ANKFN1: variants seen among roughly 807,000 people sequenced by gnomAD.
ANKFN1 encodes the protein ankyrin repeat and fibronectin type III domain containing 1.
A neutral mutation model predicts 108.7 loss-of-function variants in ANKFN1; 74 were observed. The ratio of observed to expected loss-of-function variants is 0.68; its 90% CI spans 0.56 to 0.83. The LOEUF is 0.83. Among genes scored for constraint, ANKFN1 ranks in the 40% least tolerant of loss-of-function variants. The pLI is 0.00. For missense variants in ANKFN1, 1,505 were observed against 1,382.3 expected, an observed-to-expected ratio of 1.09 and a Z score of -1.41; for synonymous variants, 547 against 516.2, an observed-to-expected ratio of 1.06 and a Z score of -0.81.
intron 11 of ANKFN1, among the ~76,000 whole-genome samples, chr17:56,454,506 T>C (rs1165214373): frequency 1.3e-5 from 2 of 152,228 alleles, no homozygotes; most frequent in Non-Finnish European, 2.9e-5. Flanking sequence ...CTGTTGATCC[T>C]TCAATGAATG....
chr17:56,338,119 G>C (rs1000633246), intron 4 of ANKFN1, among the ~76,000 whole-genome samples: 1 of 152,198 alleles, frequency 6.6e-6, no homozygotes, highest in Non-Finnish European at 1.5e-5. Context: ...ACACTATGCA[G>C]CCATAAAAAA....
Position 56,456,973 on chromosome 17 carries a change from T to C in ANKFN1, c.1307+13T>C, listed in dbSNP as rs572670911. On this transcript the variant is annotated intron_variant, in intron 12 of 20. Transcript: ENST00000682825. ...AGACCTTAAAACGGTGGGTTCTATG[T>C]AGTTTTTTCAGGAAATCTTAACTTT... The C allele has an allele frequency of 1.2e-5, 19 of 1,607,636 alleles. 1 individual carries two copies. In the South Asian group the frequency reaches 1.8e-4, roughly 15 times the overall value.
At position 56,129,716 on chromosome 17, in the gene ANKFN1, CTG is replaced by C. The variant is rs147521561; in HGVS notation, c.288+83394_288+83395del. ...CTTCTCAACGCTGTGGTTTTTAGGT[CTG>C]TGAATAGCATCATAGTATGGAGCCA... On this transcript the variant is annotated intron_variant, in intron 4 of 12. Transcript: ENST00000635860. Among the ~76,000 whole-genome samples, 129 of 152,198 alleles carry C rather than the reference CTG, an allele frequency of 8.5e-4. 1 individual carries two copies. The East Asian group carries it at 0.018, about 21-fold the overall frequency.
At chr17:56,207,907 G>C (rs1027975026) in intron 1 of ANKFN1, among the ~76,000 whole-genome samples, 1 of 152,076 alleles carries the variant, frequency 6.6e-6, no homozygotes, top group South Asian at 2.1e-4. Flanking sequence ...TCTTGTCCAC[G>C]TCTAACTCTC....
chr17:56,129,346 T>C (rs1344136999), intron 4 of ANKFN1, among the ~76,000 whole-genome samples: 1 of 152,182 alleles, frequency 6.6e-6, no homozygotes, highest in Admixed American at 6.5e-5. Flanking sequence ...GATACCTATA[T>C]GATATACTCA....
intron 16 of ANKFN1, 140 bp downstream of exon 16, chr17:56,477,794 G>T (rs1269060510): frequency 1.1e-5 from 9 of 836,228 alleles, no homozygotes; most frequent in African/African-American, 1.8e-5. Flanking sequence ...CACTGAAGTG[G>T]GGCAGAGCTT....
chr17:56,197,752 G>A (rs970270766), intron 1 of ANKFN1, among the ~76,000 whole-genome samples: 1 of 152,204 alleles, frequency 6.6e-6, no homozygotes, highest in South Asian at 2.1e-4. Context: ...AAACCAAGTG[G>A]AAAATAATTT....
intron 4 of ANKFN1, among the ~76,000 whole-genome samples, chr17:56,117,120 A>G (rs961502880): frequency 7.9e-5 from 12 of 152,074 alleles, no homozygotes; most frequent in Admixed American, 6.5e-5. Context: ...TTGTCACCCC[A>G]TGGTATTATA....
chr17:56,256,416 C>G (rs531647922), intron 3 of ANKFN1, among the ~76,000 whole-genome samples: 18 of 152,230 alleles, frequency 1.2e-4, no homozygotes, highest in Admixed American at 3.9e-4. Flanking sequence ...AAAGGAGGCT[C>G]CAGTGTGCGG....
At chr17:56,441,274 G>T (rs1192432111) in intron 9 of ANKFN1, among the ~76,000 whole-genome samples, 1 of 151,846 alleles carries the variant, frequency 6.6e-6, no homozygotes, top group Non-Finnish European at 1.5e-5. Flanking sequence ...GGATAATTTT[G>T]TTATTATTGT....
intron 19 of ANKFN1, 29 bp downstream of exon 19, chr17:56,492,382 G>A (rs781655571): frequency 1.4e-6 from 1 of 695,186 alleles, no homozygotes. Context: ...TGGGGTAAAA[G>A]GAAGGGAGAA....
intron 4 of ANKFN1, among the ~76,000 whole-genome samples, chr17:56,090,074 G>A (rs975535048): frequency 2.0e-5 from 3 of 151,330 alleles, no homozygotes; most frequent in Non-Finnish European, 4.4e-5. Flanking sequence ...ATGGGGCTGC[G>A]AGGGAAGAAC....
At chr17:56,477,460 C>CTTTTTTT (rs373804237) in intron 15 of ANKFN1, 28 bp from the exon 16 acceptor site, 3 of 1,347,986 alleles carry the variant, frequency 2.2e-6, no homozygotes, top group African/African-American at 1.6e-5. Context: ...TTCTTGTTTT[C>CTTTTTTT]TTTTTTTTTT....
chr17:56,344,088 T>C (rs896076059), intron 4 of ANKFN1, among the ~76,000 whole-genome samples: 3 of 152,008 alleles, frequency 2.0e-5, no homozygotes, highest in African/African-American at 7.2e-5. Context: ...ATCATTTCTA[T>C]TGACTGCTTT....
At chr17:56,481,796 A>G (rs564243420) in intron 17 of ANKFN1, among the ~76,000 whole-genome samples, 1 of 152,254 alleles carries the variant, frequency 6.6e-6, no homozygotes, top group Admixed American at 6.5e-5. Flanking sequence ...CACTAGGAGA[A>G]AAAAAAGTAA....
At chr17:56,423,274 G>A (rs970998019) in intron 8 of ANKFN1, among the ~76,000 whole-genome samples, 1 of 152,164 alleles carries the variant, frequency 6.6e-6, no homozygotes, top group African/African-American at 2.4e-5. Context: ...GGGTCAACAG[G>A]AATTGAAGTC....
At chr17:56,413,626 A>G (rs899694967) in intron 8 of ANKFN1, among the ~76,000 whole-genome samples, 4 of 152,142 alleles carry the variant, frequency 2.6e-5, no homozygotes, top group African/African-American at 9.7e-5. Flanking sequence ...AGAGTTTTTA[A>G]CACAAAGGAA....
At position 56,507,232 on chromosome 17, in the gene ANKFN1, A is replaced by G. The variant is rs371064367; in HGVS notation, c.2645-3241A>G. ...ACAATTTTGAAATCCTATTACTTGC[A>G]GTGTCCTAATTTTCCCACTAAAGAT... On this transcript the variant is annotated intron_variant, in intron 20 of 20. Transcript: ENST00000682825. 1.8e-4 allele frequency among the ~76,000 whole-genome samples: 28 copies of G among 152,362 alleles called. No individual in the cohort carries two copies. In the East Asian group the frequency reaches 4.6e-3, roughly 25 times the overall value.
intron 3 of ANKFN1, among the ~76,000 whole-genome samples, chr17:56,303,851 AT>A (rs34077118): frequency 0.026 from 3,470 of 131,904 alleles, 50 homozygotes; most frequent in Non-Finnish European, 0.037. Flanking sequence ...CGCTGAGCCA[AT>A]TTTTTTTTTT....
Sources: gnomAD v4.1 joint callset for allele counts (sites outside exome capture counted in the v4.1 genomes callset) on GRCh38, gnomAD v4.1.1 for gene constraint, MANE v1.5 for transcripts, NCBI Gene and HGNC (gene_info 2026-07-23, HGNC 2026-07-21) for gene names.